The following PTCHD4 variants were observed in gnomAD, a reference collection of about 807,000 sequenced individuals.
The protein encoded by PTCHD4 is patched domain containing 4.
In PTCHD4, 33 loss-of-function variants were observed where a neutral mutation model predicts 58.1. The observed-to-expected ratio is 0.57, with a 90% CI of 0.43 to 0.76. PTCHD4 has a LOEUF of 0.76. Ranked by LOEUF, PTCHD4 falls within the 30% of genes least tolerant of loss-of-function variation. The pLI is 0.00. For synonymous variants in PTCHD4, 478 were observed against 409.6 expected (o/e 1.17, Z -2.02); for missense variants, 1,058 against 1,027.1 (o/e 1.03, Z -0.41).
Position 48,107,495 on chromosome 6 carries a change from C to G in PTCHD4, c.-970+3554G>C, listed in dbSNP as rs1234134517. Among the ~76,000 whole-genome samples the G allele has an allele frequency of 3.3e-5, 5 of 152,202 alleles. No homozygotes were observed. In the South Asian group the frequency reaches 1.0e-3, roughly 32 times the overall value. ...AATGTTAGACCTAAAACCATAAAAA[C>G]CCTAGAAGAAAACCTAGGCAATACC... is the stretch of plus-strand genomic sequence containing the variant. On this transcript the variant is annotated intron_variant, in intron 1 of 4. Transcript: ENST00000339488.
intron 3 of PTCHD4, among the ~76,000 whole-genome samples, chr6:48,035,170 T>C (rs1301744135): frequency 1.3e-5 from 2 of 152,142 alleles, no homozygotes; most frequent in African/African-American, 4.8e-5. Context: ...TACATTGAAA[T>C]ATTATGATTT....
intron 3 of PTCHD4, among the ~76,000 whole-genome samples, chr6:48,053,224 G>A (rs191552592): frequency 5.3e-5 from 8 of 152,094 alleles, no homozygotes; most frequent in Non-Finnish European, 8.8e-5. Context: ...CAATTTGGCC[G>A]GAGAATGTCA....
chr6:48,100,901 A>G (rs754110319), intron 1 of PTCHD4, among the ~76,000 whole-genome samples: 13 of 152,226 alleles, frequency 8.5e-5, no homozygotes, highest in Non-Finnish European at 1.6e-4. Context: ...GTAAACAAAT[A>G]ACCTAAAATG....
intron 4 of PTCHD4, among the ~76,000 whole-genome samples, chr6:47,965,646 T>C (rs1767255295): frequency 6.6e-6 from 1 of 152,226 alleles, no homozygotes; most frequent in South Asian, 2.1e-4. Flanking sequence ...CTCTTGGTTC[T>C]GGCCTGGAGC....
intron 3 of PTCHD4, among the ~76,000 whole-genome samples, chr6:48,030,144 A>T (rs913254416): frequency 6.6e-6 from 1 of 152,122 alleles, no homozygotes. Context: ...TAAGAAAAAA[A>T]GGTCTATGTA....
intron 4 of PTCHD4, among the ~76,000 whole-genome samples, chr6:47,887,326 A>G (rs1764223379): frequency 6.6e-6 from 1 of 151,184 alleles, no homozygotes; most frequent in Admixed American, 6.6e-5. Context: ...TTTAATAATA[A>G]TAAATGTTAC....
In PTCHD4 at chr6:48,078,871, C is replaced by G. The variant is rs371654646; in HGVS notation, c.-969-8945G>C. Among the ~76,000 whole-genome samples, 9 of 152,236 alleles carry G rather than the reference C, an allele frequency of 5.9e-5. No individual in the cohort carries two copies. In the East Asian group the frequency reaches 1.4e-3, roughly 23 times the overall value. ...CGGTGGCTCATGCCTGTAATGCCAGCACTTTGGGAGGCGGAGGCGGGCGGA... is the reference window on the plus strand; with the variant it reads ...CGGTGGCTCATGCCTGTAATGCCAGGACTTTGGGAGGCGGAGGCGGGCGGA... On this transcript the variant is annotated intron_variant, in intron 1 of 4. Transcript: ENST00000339488.
chr6:47,926,214 A>G (rs570572926), intron 4 of PTCHD4, among the ~76,000 whole-genome samples: 1 of 152,300 alleles, frequency 6.6e-6, no homozygotes, highest in Admixed American at 6.5e-5. Flanking sequence ...ACAGTGGCCA[A>G]TGAATAGATG....
intron 4 of PTCHD4, among the ~76,000 whole-genome samples, chr6:47,974,668 A>G (rs1041485762): frequency 2.6e-5 from 4 of 152,228 alleles, no homozygotes; most frequent in Non-Finnish European, 5.9e-5. Flanking sequence ...CCCCTGGTTG[A>G]GAATGCTGTA....
At chr6:48,070,094 T>C (rs2113883074) in intron 1 of PTCHD4, among the ~76,000 whole-genome samples, 168 bp from the exon 2 acceptor site, 1 of 151,732 alleles carries the variant, frequency 6.6e-6, no homozygotes, top group East Asian at 1.9e-4. Flanking sequence ...TCAGGTCAAC[T>C]TCAAAAACTA....
At chr6:48,105,052 A>C (rs1765689712) in intron 1 of PTCHD4, among the ~76,000 whole-genome samples, 1 of 152,208 alleles carries the variant, frequency 6.6e-6, no homozygotes, top group African/African-American at 2.4e-5. Context: ...ATGAGACAGA[A>C]AGTTAACAAG....
At position 48,043,957 on chromosome 6, in the gene PTCHD4, G is replaced by A. The variant is rs182781202; in HGVS notation, c.417+24273C>T. 2.8e-3 allele frequency among the ~76,000 whole-genome samples: 431 copies of A among 151,884 alleles called. 1 individual carries two copies. The highest frequency in any genetic ancestry group is 4.0e-3 in the Non-Finnish European group (272 of 67,814). On this transcript the variant is annotated intron_variant, in intron 3 of 4. Coordinates refer to ENST00000339488, the MANE Select transcript of PTCHD4 (RefSeq NM_001384253.1). ...GCCTGCAGTATATGAGAATTAGAAC[G>A]TAAAAACTGTGAAGTTTGCGGGGAA...
chr6:48,002,422 T>A (rs1330197416), intron 4 of PTCHD4, among the ~76,000 whole-genome samples: 2 of 152,142 alleles, frequency 1.3e-5, no homozygotes, highest in African/African-American at 4.8e-5. Context: ...TGGAATACTA[T>A]GCAGCCATAA....
intron 4 of PTCHD4, among the ~76,000 whole-genome samples, chr6:47,974,409 A>C (rs911143605): frequency 1.3e-5 from 2 of 152,174 alleles, no homozygotes; most frequent in African/African-American, 4.8e-5. Context: ...TCAAAGATAA[A>C]ACCATCTTTT....
chr6:47,962,637 C>T (rs192244728), intron 4 of PTCHD4, among the ~76,000 whole-genome samples: 1,794 of 152,238 alleles, frequency 0.012, 24 homozygotes, highest in South Asian at 0.028. Context: ...TTTGTTGCTT[C>T]CCCTTGGCCT....
Position 48,070,899 on chromosome 6 carries a change from T to A in PTCHD4, c.-969-973A>T, listed in dbSNP as rs571752615. Among the ~76,000 whole-genome samples the A allele has an allele frequency of 5.9e-4, 90 of 152,380 alleles. 2 individuals carry two copies. Among genetic ancestry groups the A allele is most frequent in the African/African-American group, 2.0e-3 (85 of 41,592 alleles). Reference sequence around the variant, plus strand: ...TCGTCCATTTTCTATACCTTCGTTATTACATTAAATATACTTGGCTATATC... The same window carrying A: ...TCGTCCATTTTCTATACCTTCGTTAATACATTAAATATACTTGGCTATATC... On this transcript the variant is annotated intron_variant, in intron 1 of 4. Coordinates refer to ENST00000339488, the MANE Select transcript of PTCHD4 (RefSeq NM_001384253.1).
intron 4 of PTCHD4, among the ~76,000 whole-genome samples, chr6:47,921,675 C>T: frequency 6.6e-6 from 1 of 152,148 alleles, no homozygotes; most frequent in East Asian, 1.9e-4. Flanking sequence ...GCATCTCCTT[C>T]TTGGACCCTG....
intron 4 of PTCHD4, among the ~76,000 whole-genome samples, chr6:47,884,217 A>C (rs1230373386): frequency 6.6e-6 from 1 of 152,184 alleles, no homozygotes; most frequent in Admixed American, 6.6e-5. Context: ...ACCAAAAATT[A>C]GAATTTAGGA....
chr6:48,054,034 T>C (rs1315246032), intron 3 of PTCHD4, among the ~76,000 whole-genome samples: 1 of 152,120 alleles, frequency 6.6e-6, no homozygotes, highest in Non-Finnish European at 1.5e-5. Flanking sequence ...CGGTTTCAGG[T>C]TCTTTAGTAT....
Sources: gnomAD v4.1 joint callset for allele counts (sites outside exome capture counted in the v4.1 genomes callset) on GRCh38, gnomAD v4.1.1 for gene constraint, MANE v1.5 for transcripts, NCBI Gene and HGNC (gene_info 2026-07-23, HGNC 2026-07-21) for gene names.